The following TBX4 variants were observed in gnomAD, a reference collection of about 807,000 sequenced individuals.
TBX4 encodes the protein T-box transcription factor TBX4.
TBX4 carries 13 observed loss-of-function variants against 54.6 expected under a neutral mutation model. That is an observed-to-expected ratio of 0.24 (90% CI 0.15 to 0.38). The LOEUF (loss-of-function observed/expected upper bound fraction) is 0.38, where lower values mean the gene tolerates loss of function less well. TBX4 is among the 10% of genes least tolerant of loss of function. The probability of loss-of-function intolerance (pLI) is 1.00; values close to 1 mark genes in which losing one functional copy is unlikely to be tolerated. For missense variants in TBX4, 631 were observed against 728.5 expected (o/e 0.87, Z 1.54); for synonymous variants, 314 against 306.7 (o/e 1.02, Z -0.25).
chr17:61,466,455 T>G (rs2060538256), intron 4 of TBX4, among the ~76,000 whole-genome samples: 1 of 152,102 alleles, frequency 6.6e-6, no homozygotes, highest in Non-Finnish European at 1.5e-5. Context: ...GATGGGACCC[T>G]TTGGCAAGGG....
intron 5 of TBX4, among the ~76,000 whole-genome samples, chr17:61,477,387 C>G (rs1288064571): frequency 1.3e-5 from 2 of 152,216 alleles, no homozygotes; most frequent in African/African-American, 4.8e-5. Flanking sequence ...GGCAGCCGCG[C>G]CTCCAGGGCG....
At chr17:61,452,842 T>G (rs2060424027) in intron 1 of TBX4, 1 of 842,152 alleles carries the variant, frequency 1.2e-6, no homozygotes. Flanking sequence ...GGTCTAGAGA[T>G]CCAAGAGCAT....
At position 61,459,461 on chromosome 17, in the gene TBX4, G is replaced by C. The variant is rs1222793702; in HGVS notation, c.281+1830G>C. Among the ~76,000 whole-genome samples the C allele has an allele frequency of 6.6e-6, 1 of 152,216 alleles. No individual in the cohort carries two copies. The highest frequency in any genetic ancestry group is 2.4e-5 in the African/African-American group (1 of 41,448). ...AAAGGTTCAGAACTGCCATTTTTAG[G>C]CAGCAGAAATAACCTTGTCTCTTGA... is the stretch of plus-strand genomic sequence containing the variant. On this transcript the variant is annotated intron_variant, in intron 3 of 8. Transcript: ENST00000644296. The surrounding 1 kb of genome is among the most constrained non-coding windows in gnomAD (Gnocchi z 4.8).
At chr17:61,466,797 C>G (rs2060540521) in intron 4 of TBX4, among the ~76,000 whole-genome samples, 2 of 152,222 alleles carry the variant, frequency 1.3e-5, no homozygotes, top group South Asian at 4.1e-4. Context: ...TGGGGACAAG[C>G]CTTTTGAGAG....
chr17:61,467,647 C>G lies in TBX4; in HGVS notation c.539C>G (p.Pro180Arg). The G allele has an allele frequency of 6.2e-7, 1 of 1,614,204 alleles. No homozygotes were observed. Among genetic ancestry groups the G allele is most frequent in the Non-Finnish European group, 8.5e-7 (1 of 1,180,050 alleles). ...KLKLTNNHLD[P>R]FGHIILNSMH... ...AAGCTGACAAACAACCACCTGGACCCCTTTGGCCATGTAAGCATGGGGGCT... is the reference window on the plus strand; with the variant it reads ...AAGCTGACAAACAACCACCTGGACCGCTTTGGCCATGTAAGCATGGGGGCT... The change falls in exon 5 of 9, where the codon CCC (proline) becomes CGC (arginine). Residue 180 changes from proline (P) to arginine (R), a missense_variant. Transcript: ENST00000644296.
At chr17:61,458,337 G>A (rs1042754500) in intron 3 of TBX4, among the ~76,000 whole-genome samples, 1 of 150,880 alleles carries the variant, frequency 6.6e-6, no homozygotes, top group East Asian at 2.0e-4. Flanking sequence ...GGCTGGTGGG[G>A]TGGGGGCAGG....
Position 61,467,526 on chromosome 17 carries a change from G to T in TBX4, c.418G>T (p.Ala140Ser), listed in dbSNP as rs989397198. ...TGTTGGCAGGATGGTGGCAGGGAAG[G>T]CTGAGCCAGCCATGCCAGGAAGGCT... ...CDNKWMVAGK[A>S]EPAMPGRLYV... The change falls in exon 5 of 9, where the codon GCT becomes TCT. Residue 140 changes from alanine to serine, a missense_variant. This residue lies in a region of TBX4 where 154 missense variants were observed against 238.6 expected (regional missense o/e 0.65). Transcript: ENST00000644296. 2.5e-6 allele frequency: 4 copies of T among 1,614,040 alleles called. No homozygotes were observed. The African/African-American group carries it at 5.3e-5, about 22-fold the overall frequency.
chr17:61,469,488 G>A (rs577531070), intron 5 of TBX4, among the ~76,000 whole-genome samples: 2 of 152,314 alleles, frequency 1.3e-5, no homozygotes, highest in African/African-American at 4.8e-5. Flanking sequence ...CCCTGGATGA[G>A]TGGGACGCAG....
At chr17:61,470,430 G>A (rs2060568633) in intron 5 of TBX4, among the ~76,000 whole-genome samples, 1 of 152,196 alleles carries the variant, frequency 6.6e-6, no homozygotes, top group South Asian at 2.1e-4. Context: ...CTGGTAGCCT[G>A]TCCTGTATGG....
At position 61,464,798 on chromosome 17, in the gene TBX4, G is replaced by T. The variant is rs1181149103; in HGVS notation, c.282-1021G>T. Among the ~76,000 whole-genome samples the T allele has an allele frequency of 6.6e-6, 1 of 152,160 alleles. No homozygotes were observed. Among genetic ancestry groups the T allele is most frequent in the Admixed American group, 6.5e-5 (1 of 15,280 alleles). ...GCTGTTGTGTGTGCGTATGTGCTGA[G>T]GGGTGTGCGGAAGCCCCCTCTAGAA... On this transcript the variant is annotated intron_variant, in intron 3 of 8. Coordinates refer to ENST00000644296, the MANE Select transcript of TBX4 (RefSeq NM_001321120.2). The surrounding 1 kb of genome is among the most constrained non-coding windows in gnomAD (Gnocchi z 5.8).
intron 5 of TBX4, among the ~76,000 whole-genome samples, chr17:61,470,957 T>G (rs1263767046): frequency 3.9e-5 from 6 of 152,170 alleles, no homozygotes. Context: ...GGGACCTGTA[T>G]CCTGTAGCAC....
At chr17:61,466,442 G>A (rs2060538183) in intron 4 of TBX4, among the ~76,000 whole-genome samples, 1 of 152,206 alleles carries the variant, frequency 6.6e-6, no homozygotes, top group Admixed American at 6.5e-5. Context: ...CAGGGGGTTG[G>A]TGGATGGGAC....
rs930214710 is a variant in TBX4 at position 61,457,892 on chromosome 17, C to A, written c.281+261C>A. Among the ~76,000 whole-genome samples, 2 of 152,226 alleles carry A rather than the reference C, an allele frequency of 1.3e-5. No homozygotes were observed. Among genetic ancestry groups the A allele is most frequent in the Non-Finnish European group, 2.9e-5 (2 of 68,046 alleles). On this transcript the variant is annotated intron_variant, in intron 3 of 8. Transcript: ENST00000644296. This position sits in a 1 kb window ranked among gnomAD's most constrained non-coding sequence, Gnocchi z 8.2. ...AAATGAATCCAAACAGGGATCGCGA[C>A]GCTCAAAAGTCCCAGCTCCAGCACT...
rs377647407 is a variant in TBX4 at position 61,479,853 on chromosome 17, G to T, written c.703-28G>T. ...GAGACACATTTGTGTGCCTCACACT[G>T]GTGACCCTATGTGTTTTCTCCCCAC... On this transcript the variant is annotated intron_variant, in intron 6 of 8. Coordinates refer to ENST00000644296, the MANE Select transcript of TBX4 (RefSeq NM_001321120.2). The surrounding 1 kb of genome is among the most constrained non-coding windows in gnomAD (Gnocchi z 6.1). The T allele has an allele frequency of 6.2e-7, 1 of 1,609,328 alleles. No homozygotes were observed. The highest frequency in any genetic ancestry group is 8.5e-7 in the Non-Finnish European group (1 of 1,175,656).
At position 61,457,448 on chromosome 17, in the gene TBX4, C is replaced by A; in HGVS notation, c.187-89C>A. The A allele has an allele frequency of 7.8e-7, 1 of 1,288,514 alleles. No individual in the cohort carries two copies. The highest frequency in any genetic ancestry group is 1.1e-6 in the Non-Finnish European group (1 of 885,328). 79.8% of individuals were successfully genotyped at this position (1,288,514 alleles called of 1,614,324 possible). A position where few individuals can be genotyped will look rare whatever the true frequency, so the allele number is the denominator to read the frequency against. On this transcript the variant is annotated intron_variant, in intron 2 of 8. Coordinates refer to ENST00000644296, the MANE Select transcript of TBX4 (RefSeq NM_001321120.2). This position sits in a 1 kb window ranked among gnomAD's most constrained non-coding sequence, Gnocchi z 8.2. ...GGCTCCGGGCGGGCAGGGTTCCGCA[C>A]AGCTCTTCGGGTCTGGTTCTTCTTT...
At chr17:61,482,321 T>C (rs1488740860) in intron 8 of TBX4, among the ~76,000 whole-genome samples, 2 of 152,244 alleles carry the variant, frequency 1.3e-5, no homozygotes, top group Admixed American at 6.5e-5. Flanking sequence ...ACTGTGGTGT[T>C]GGAATCTGTG....
In TBX4 at chr17:61,480,019, G is replaced by A. The variant is rs576872492; in HGVS notation, c.791+50G>A. 31 of 1,612,132 alleles carry A rather than the reference G, an allele frequency of 1.9e-5. No individual in the cohort carries two copies. In the Admixed American group the frequency reaches 2.8e-4, roughly 15 times the overall value. ...GGGCGGGCAGATGGGATTCAGGCAC[G>A]TGGCCTCTGTGACCCTCGATGTATC... On this transcript the variant is annotated intron_variant, in intron 7 of 8. Coordinates refer to ENST00000644296, the MANE Select transcript of TBX4 (RefSeq NM_001321120.2). The surrounding 1 kb of genome is among the most constrained non-coding windows in gnomAD (Gnocchi z 6.2).
chr17:61,468,547 C>G (rs1404239143), intron 5 of TBX4, among the ~76,000 whole-genome samples: 3 of 152,190 alleles, frequency 2.0e-5, no homozygotes, highest in Non-Finnish European at 2.9e-5. Flanking sequence ...CGTCCCAGCT[C>G]TGAAGCATAG....
chr17:61,481,633 G>A lies in TBX4; in HGVS notation c.1022-1264G>A, dbSNP rs1333658304. 6.6e-6 allele frequency among the ~76,000 whole-genome samples: 1 copy of A among 152,218 alleles called. No individual in the cohort carries two copies. Among genetic ancestry groups the A allele is most frequent in the African/African-American group, 2.4e-5 (1 of 41,446 alleles). On this transcript the variant is annotated intron_variant, in intron 8 of 8. Coordinates refer to ENST00000644296, the MANE Select transcript of TBX4 (RefSeq NM_001321120.2). The surrounding 1 kb of genome is among the most constrained non-coding windows in gnomAD (Gnocchi z 4.8). ...CAGGGGCAGAGGAGAGAGGTGAGCA[G>A]AGGCCTTCACACCCATTTAGCCCCT... is the stretch of plus-strand genomic sequence containing the variant.
Sources: allele counts gnomAD v4.1 joint callset (sites outside exome capture counted in the v4.1 genomes callset), GRCh38; gene constraint gnomAD v4.1.1; regional missense constraint gnomAD v4.1.1; non-coding constraint Gnocchi (gnomAD v3.1); transcripts MANE v1.5; gene names NCBI Gene and HGNC (gene_info 2026-07-23, HGNC 2026-07-21).